Variants in TRAPPC9 observed in about 807,000 individuals in gnomAD.
The protein encoded by TRAPPC9 is trafficking protein particle complex subunit 9, also known as IKK2 binding protein.
A neutral mutation model predicts 124.0 loss-of-function variants in TRAPPC9; 83 were observed. The ratio of observed to expected loss-of-function variants is 0.67; its 90% CI spans 0.56 to 0.80. TRAPPC9 has a LOEUF of 0.80. TRAPPC9 is among the 30% of genes least tolerant of loss of function. The pLI is 0.00. For missense variants in TRAPPC9, 1,302 were observed against 1,508.3 expected (o/e 0.86, Z 2.27); for synonymous variants, 638 against 617.5 (o/e 1.03, Z -0.49).
At chr8:140,221,342 A>G in intron 17 of TRAPPC9, 117 bp downstream of exon 17, 1 of 1,450,340 alleles carries the variant, frequency 6.9e-7, no homozygotes, top group South Asian at 1.1e-5. Context: ...CCAAGAATCC[A>G]GCTTTCAAAT....
chr8:140,436,036 T>C (rs938928161), intron 3 of TRAPPC9, among the ~76,000 whole-genome samples: 2 of 152,224 alleles, frequency 1.3e-5, no homozygotes, highest in Non-Finnish European at 2.9e-5. Context: ...AGGATTTAAG[T>C]ATTTATGTAT....
intron 19 of TRAPPC9, among the ~76,000 whole-genome samples, chr8:139,920,139 A>C (rs1472641267): frequency 1.3e-5 from 2 of 152,192 alleles, no homozygotes; most frequent in African/African-American, 4.8e-5. Flanking sequence ...TGAGGTCAGG[A>C]GTTCGAGACC....
intron 1 of TRAPPC9, among the ~76,000 whole-genome samples, chr8:140,454,564 C>A (rs1399402527): frequency 6.8e-6 from 1 of 146,242 alleles, no homozygotes; most frequent in African/African-American, 2.5e-5. Flanking sequence ...CGCTTGAACC[C>A]AGGAGATGGG....
At chr8:140,145,167 C>T (rs1320851386) in intron 17 of TRAPPC9, among the ~76,000 whole-genome samples, 2 of 152,122 alleles carry the variant, frequency 1.3e-5, no homozygotes, top group African/African-American at 4.8e-5. Flanking sequence ...TAAGCCACTG[C>T]GCCCAGCCTC....
At chr8:140,385,083 G>A (rs1265271274) in intron 7 of TRAPPC9, among the ~76,000 whole-genome samples, 4 of 152,076 alleles carry the variant, frequency 2.6e-5, no homozygotes, top group South Asian at 2.1e-4. Context: ...GGTACATAAC[G>A]AAATGAAGGC....
intron 17 of TRAPPC9, among the ~76,000 whole-genome samples, chr8:140,165,838 T>TC (rs1443342319): frequency 2.0e-5 from 3 of 152,012 alleles, no homozygotes. Context: ...TCTGCCTACC[T>TC]CCCCAGAATC....
chr8:139,832,459 G>A (rs1246964607), intron 21 of TRAPPC9, among the ~76,000 whole-genome samples: 1 of 152,216 alleles, frequency 6.6e-6, no homozygotes, highest in South Asian at 2.1e-4. Flanking sequence ...GGTATGGCCC[G>A]AAGCAGGGGA....
At chr8:140,079,866 G>A (rs1425611154) in intron 17 of TRAPPC9, among the ~76,000 whole-genome samples, 1 of 152,148 alleles carries the variant, frequency 6.6e-6, no homozygotes, top group Non-Finnish European at 1.5e-5. Flanking sequence ...GGAAGTGGAG[G>A]TTGCAGTGAG....
In TRAPPC9 at chr8:140,097,634, G is replaced by A. The variant is rs1274688607; in HGVS notation, c.2557-73555C>T. 2 of 152,252 alleles carry A rather than the reference G, an allele frequency of 1.3e-5. No homozygotes were observed. The allele number at this position is 152,252 out of a possible 1,614,324, so 9.4% of individuals were successfully genotyped here. A position where few individuals can be genotyped will look rare whatever the true frequency, so the allele number is the denominator to read the frequency against. On this transcript the variant is annotated intron_variant, in intron 17 of 22. Transcript: ENST00000438773. The surrounding 1 kb of genome is among the most constrained non-coding windows in gnomAD (Gnocchi z 4.2). ...GGCCACAGACGTGCCACAGTCGGCA[G>A]GATAAGAATGCCCAGCTGGATCTTG...
chr8:140,382,460 T>C (rs1264259854), intron 7 of TRAPPC9, among the ~76,000 whole-genome samples: 1 of 152,114 alleles, frequency 6.6e-6, no homozygotes, highest in East Asian at 1.9e-4. Flanking sequence ...GCTTTTCCAA[T>C]GGTCTTAGCA....
rs1333489937 is a variant in TRAPPC9, at chr8:139,737,462, G to GC, written c.3056-5261dup. ...CACAGCCTTCAGGCGGGGGTCATCAGCCCTCCCCCCCCCCCCACGGAAAAC... is the reference window on the plus strand; with the variant it reads ...CACAGCCTTCAGGCGGGGGTCATCAGCCCCTCCCCCCCCCCCCACGGAAAAC... On this transcript the variant is annotated intron_variant, in intron 21 of 22. Coordinates refer to ENST00000438773, the MANE Select transcript of TRAPPC9 (RefSeq NM_001160372.4). Among the ~76,000 whole-genome samples the GC allele has an allele frequency of 2.8e-3, 88 of 31,282 alleles. 1 individual carries two copies. Among genetic ancestry groups the GC allele is most frequent in the African/African-American group, 5.6e-3 (48 of 8,570 alleles). 20.5% of individuals were successfully genotyped at this position (31,282 alleles called of 152,430 possible).
chr8:139,822,220 A>T (rs1465561816), intron 21 of TRAPPC9, among the ~76,000 whole-genome samples: 1 of 152,082 alleles, frequency 6.6e-6, no homozygotes, highest in Non-Finnish European at 1.5e-5. Flanking sequence ...CTGTATTAGC[A>T]TCTACTCCAG....
chr8:140,077,581 G>C (rs1843579851), intron 17 of TRAPPC9, among the ~76,000 whole-genome samples: 1 of 151,886 alleles, frequency 6.6e-6, no homozygotes, highest in Non-Finnish European at 1.5e-5. Context: ...ATGCATTTGA[G>C]CAGGGCAGAT....
intron 20 of TRAPPC9, among the ~76,000 whole-genome samples, chr8:139,900,338 T>C (rs1830943419): frequency 6.6e-6 from 1 of 152,154 alleles, no homozygotes; most frequent in African/African-American, 2.4e-5. Context: ...CATTGCCTTA[T>C]CTGGGATGTC....
At position 140,157,227 on chromosome 8, in the gene TRAPPC9, TCCC is replaced by T. The variant is rs2061665565; in HGVS notation, c.2556+64229_2556+64231del. Reference sequence around the variant, plus strand: ...AGCCTCCCTTTTCCATTCAAAAGCCTCCCTTTTCCATTCAAAAGCCTCCCTTTT... The same window carrying T: ...AGCCTCCCTTTTCCATTCAAAAGCCTTTTTCCATTCAAAAGCCTCCCTTTT... On this transcript the variant is annotated intron_variant, in intron 17 of 22. Transcript: ENST00000438773. Among the ~76,000 whole-genome samples the T allele has an allele frequency of 1.5e-4, 3 of 20,146 alleles. 1 individual carries two copies. Among genetic ancestry groups the T allele is most frequent in the African/African-American group, 4.3e-4 (2 of 4,682 alleles). 13.2% of individuals were successfully genotyped at this position (20,146 alleles called of 152,430 possible).
At chr8:139,983,330 C>T (rs755214436) in intron 19 of TRAPPC9, among the ~76,000 whole-genome samples, 1 of 152,194 alleles carries the variant, frequency 6.6e-6, no homozygotes, top group Non-Finnish European at 1.5e-5. Context: ...GTTTATAAGC[C>T]ACCCAGTCTA....
intron 16 of TRAPPC9, among the ~76,000 whole-genome samples, chr8:140,233,623 C>CCACAAACACACACACA (rs2063659464): frequency 1.1e-5 from 1 of 90,848 alleles, no homozygotes; most frequent in Admixed American, 1.3e-4. Context: ...TCTCTCCCCA[C>CCACAAACACACACACA]CACACACACA....
intron 17 of TRAPPC9, among the ~76,000 whole-genome samples, chr8:140,195,962 TCAA>T (rs1200224799): frequency 7.1e-6 from 1 of 141,264 alleles, no homozygotes; most frequent in African/African-American, 2.7e-5. Context: ...TAAAACACAC[TCAA>T]CTATCCACCG....
At chr8:139,842,623 C>T (rs780488145) in intron 21 of TRAPPC9, among the ~76,000 whole-genome samples, 30 of 148,548 alleles carry the variant, frequency 2.0e-4, no homozygotes, top group Non-Finnish European at 3.7e-4. Context: ...GCATGGCCCC[C>T]GCCTGAGAAG....
Sources: allele counts gnomAD v4.1 joint callset (sites outside exome capture counted in the v4.1 genomes callset), GRCh38; gene constraint gnomAD v4.1.1; non-coding constraint Gnocchi (gnomAD v3.1); transcripts MANE v1.5; gene names NCBI Gene and HGNC (gene_info 2026-07-23, HGNC 2026-07-21).